STARD3NL: variants seen among roughly 807,000 people sequenced by gnomAD.
STARD3NL encodes the protein STARD3 N-terminal like, also known as STARD3 N-terminal-like protein.
Under a neutral mutation model 30.9 loss-of-function variants are expected in STARD3NL, and 17 were observed. The observed-to-expected ratio is 0.55, with a 90% confidence interval of 0.38 to 0.82. The LOEUF is 0.82. STARD3NL is among the 40% of genes least tolerant of loss of function. The probability of loss-of-function intolerance (pLI) is 0.00; values close to 1 mark genes in which losing one functional copy is unlikely to be tolerated. For missense variants in STARD3NL, 234 were observed against 277.6 expected (o/e 0.84, Z 1.12); for synonymous variants, 112 against 100.5 (o/e 1.11, Z -0.69).
chr7:38,229,550 T>A (rs1322488035), intron 8 of STARD3NL, among the ~76,000 whole-genome samples: 1 of 152,198 alleles, frequency 6.6e-6, no homozygotes, highest in Non-Finnish European at 1.5e-5. Flanking sequence ...CCTGACAGTT[T>A]AACCACAGAA....
intron 1 of STARD3NL, among the ~76,000 whole-genome samples, chr7:38,195,518 T>C (rs1405310190): frequency 6.6e-6 from 1 of 152,214 alleles, no homozygotes; most frequent in Non-Finnish European, 1.5e-5. Context: ...TTGGTGTGAA[T>C]TAGTAATCAT....
Position 38,230,359 on chromosome 7 carries a change from A to T in STARD3NL, c.*454A>T, listed in dbSNP as rs966474910. The T allele has an allele frequency of 6.6e-6, 1 of 152,596 alleles. No individual in the cohort carries two copies. The highest frequency in any genetic ancestry group is 6.5e-5 in the Admixed American group (1 of 15,272). The allele number at this position is 152,596 out of a possible 1,614,324, so 9.5% of individuals were successfully genotyped here. ...ATTTCCCTTGTTTTTTAACTCATGC[A>T]CATGTGCTCTTTGTACAGTTTTAAA... On this transcript the variant is annotated 3_prime_UTR_variant, in exon 9 of 9. Transcript: ENST00000009041.
At chr7:38,196,502 T>C (rs1229772689) in intron 1 of STARD3NL, among the ~76,000 whole-genome samples, 2 of 152,232 alleles carry the variant, frequency 1.3e-5, no homozygotes, top group African/African-American at 4.8e-5. Flanking sequence ...GTAGACCTGA[T>C]GATATATATC....
chr7:38,207,615 T>C lies in STARD3NL; in HGVS notation c.111T>C (p.Ile37=), dbSNP rs908719102. The C allele has an allele frequency of 6.2e-7, 1 of 1,614,086 alleles. No individual in the cohort carries two copies. Among genetic ancestry groups the C allele is most frequent in the Non-Finnish European group, 8.5e-7 (1 of 1,179,952 alleles). Residue 37 remains isoleucine (I), a synonymous_variant, in exon 2 of 9, where the codon ATT becomes ATC. Coordinates refer to ENST00000009041, the MANE Select transcript of STARD3NL (RefSeq NM_032016.4). ...SINPTQLMAR[I]ESYEGREKKG... is the part of the protein sequence containing the mutation. ...ACCCCACACAACTCATGGCCAGGAT[T>C]GAGTCCTATGAAGGAAGGGAAAAGA...
chr7:38,179,440 C>T (rs773162255), intron 1 of STARD3NL, among the ~76,000 whole-genome samples: 2 of 152,188 alleles, frequency 1.3e-5, no homozygotes, highest in African/African-American at 2.4e-5. Context: ...TTTAAAACTG[C>T]ATTATTGCAT....
At chr7:38,228,933 A>C (rs970796680) in intron 8 of STARD3NL, 62 bp downstream of exon 8, 2 of 1,194,882 alleles carry the variant, frequency 1.7e-6, no homozygotes, top group Non-Finnish European at 1.2e-6. Context: ...TCCTTTGAGT[A>C]GAGTCAAAGT....
At chr7:38,205,481 T>G (rs1785408009) in intron 1 of STARD3NL, among the ~76,000 whole-genome samples, 1 of 152,230 alleles carries the variant, frequency 6.6e-6, no homozygotes, top group African/African-American at 2.4e-5. Flanking sequence ...TAAGTCATTA[T>G]AAATGCTTCA....
intron 2 of STARD3NL, among the ~76,000 whole-genome samples, chr7:38,210,443 G>T (rs1046270062): frequency 6.6e-6 from 1 of 152,156 alleles, no homozygotes; most frequent in Non-Finnish European, 1.5e-5. Context: ...CCTTGCCACA[G>T]GGACCTGACT....
At chr7:38,191,810 G>A (rs1784697340) in intron 1 of STARD3NL, among the ~76,000 whole-genome samples, 1 of 151,884 alleles carries the variant, frequency 6.6e-6, no homozygotes, top group African/African-American at 2.4e-5. Context: ...TTTAAGCTAG[G>A]TAATGTGTCT....
intron 2 of STARD3NL, among the ~76,000 whole-genome samples, chr7:38,213,759 G>T (rs960976452): frequency 2.6e-4 from 40 of 152,200 alleles, no homozygotes; most frequent in Admixed American, 2.0e-3. Flanking sequence ...AGGACAGAAA[G>T]TTGTATCAGG....
intron 2 of STARD3NL, among the ~76,000 whole-genome samples, chr7:38,212,724 A>G (rs1226004386): frequency 6.6e-6 from 1 of 152,178 alleles, no homozygotes; most frequent in Non-Finnish European, 1.5e-5. Context: ...GAAGGAAAGA[A>G]CTAACCTGAG....
intron 7 of STARD3NL, among the ~76,000 whole-genome samples, chr7:38,227,240 G>A (rs1246890619): frequency 1.3e-5 from 2 of 152,146 alleles, no homozygotes; most frequent in East Asian, 3.8e-4. Context: ...AGTGCCACTG[G>A]CCTAGCAGAT....
At chr7:38,197,905 G>A (rs1784998689) in intron 1 of STARD3NL, among the ~76,000 whole-genome samples, 1 of 152,208 alleles carries the variant, frequency 6.6e-6, no homozygotes, top group Admixed American at 6.5e-5. Context: ...CACCTCGGAA[G>A]GTGAGGGCTC....
Position 38,219,556 on chromosome 7 carries a change from C to A in STARD3NL, c.554-9C>A. 6.3e-7 allele frequency: 1 copy of A among 1,576,618 alleles called. No individual in the cohort carries two copies. Among genetic ancestry groups the A allele is most frequent in the Non-Finnish European group, 8.7e-7 (1 of 1,151,946 alleles). ...CTCATTCCCAACATCTGAATTTCTT[C>A]TCTTCCAGGACTCCTGATAGTTCAG... On this transcript the variant is annotated splice_polypyrimidine_tract_variant and intron_variant, in intron 6 of 8. Coordinates refer to ENST00000009041, the MANE Select transcript of STARD3NL (RefSeq NM_032016.4).
intron 1 of STARD3NL, among the ~76,000 whole-genome samples, chr7:38,207,016 C>T (rs1562612119): frequency 6.6e-6 from 1 of 152,174 alleles, no homozygotes; most frequent in Non-Finnish European, 1.5e-5. Flanking sequence ...AGCTAATTTA[C>T]ACATTCTGCT....
chr7:38,229,532 C>T (rs1786978716), intron 8 of STARD3NL, among the ~76,000 whole-genome samples: 1 of 152,206 alleles, frequency 6.6e-6, no homozygotes. Context: ...GTAGTAGCAG[C>T]AAATCTGCCT....
intron 1 of STARD3NL, among the ~76,000 whole-genome samples, chr7:38,185,853 A>C (rs1330686467): frequency 6.6e-6 from 1 of 152,326 alleles, no homozygotes; most frequent in East Asian, 1.9e-4. Context: ...AAGAAGGTAC[A>C]CTTTTAGCCA....
Position 38,207,440 on chromosome 7 carries a change from C to A in STARD3NL, c.-58-7C>A. Reference sequence around the variant, plus strand: ...TTAACATGGTGTCTCTTTTTTATTTCCCAAAGGTGTCTTCTCTTTAGGGAT... The same window carrying A: ...TTAACATGGTGTCTCTTTTTTATTTACCAAAGGTGTCTTCTCTTTAGGGAT... On this transcript the variant is annotated splice_region_variant and splice_polypyrimidine_tract_variant and intron_variant, in intron 1 of 8. Transcript: ENST00000009041. The A allele has an allele frequency of 1.4e-6, 2 of 1,384,272 alleles. No individual in the cohort carries two copies. The highest frequency in any genetic ancestry group is 2.0e-6 in the Non-Finnish European group (2 of 1,001,168). The allele number at this position is 1,384,272 out of a possible 1,614,324, so 85.7% of individuals were successfully genotyped here. A position where few individuals can be genotyped will look rare whatever the true frequency, so the allele number is the denominator to read the frequency against.
rs553499733 is a variant in STARD3NL at position 38,199,143 on chromosome 7, A to G, written c.-58-8304A>G. On this transcript the variant is annotated intron_variant, in intron 1 of 8. Transcript: ENST00000009041. Reference sequence around the variant, plus strand: ...TTATTTTCTAATTCTTCACTCCCATACTTCCCACACAGTTGGGATAAATTC... The same window carrying G: ...TTATTTTCTAATTCTTCACTCCCATGCTTCCCACACAGTTGGGATAAATTC... 1.1e-4 allele frequency among the ~76,000 whole-genome samples: 16 copies of G among 152,290 alleles called. No homozygotes were observed. In the East Asian group the frequency reaches 2.9e-3, roughly 28 times the overall value.
Sources: allele counts gnomAD v4.1 joint callset (sites outside exome capture counted in the v4.1 genomes callset), GRCh38; gene constraint gnomAD v4.1.1; transcripts MANE v1.5; gene names NCBI Gene and HGNC (gene_info 2026-07-23, HGNC 2026-07-21).